The following MATR3 variants were observed in gnomAD, a reference collection of about 807,000 sequenced individuals.
MATR3 encodes the protein matrin-3.
MATR3 carries 4 observed loss-of-function variants against 85.5 expected under a neutral mutation model. The observed-to-expected ratio is 0.05, with a 90% CI of 0.02 to 0.11. The LOEUF is 0.11. Among genes scored for constraint, MATR3 ranks in the 10% least tolerant of loss-of-function variants. The probability of loss-of-function intolerance (pLI) is 1.00; values close to 1 mark genes in which losing one functional copy is unlikely to be tolerated. For synonymous variants in MATR3, 336 were observed against 343.1 expected, an observed-to-expected ratio of 0.98 and a Z score of 0.23; for missense variants, 685 against 1,016.1, an observed-to-expected ratio of 0.67 and a Z score of 4.43.
chr5:139,274,876 G>A (rs1482993026), intron 1 of MATR3, among the ~76,000 whole-genome samples: 1 of 151,888 alleles, frequency 6.6e-6, no homozygotes, highest in Non-Finnish European at 1.5e-5. Flanking sequence ...AGTGAGCCGA[G>A]ATAGCACCAC....
chr5:139,294,457 A>C, intron 1 of MATR3: 1 of 155,660 alleles, frequency 6.4e-6, no homozygotes, highest in African/African-American at 2.4e-5. Context: ...AGCGCCCCCT[A>C]AGACTCCCGG....
At chr5:139,325,033 T>A (rs1447955331) in intron 12 of MATR3, among the ~76,000 whole-genome samples, 1 of 151,570 alleles carries the variant, frequency 6.6e-6, no homozygotes, top group East Asian at 1.9e-4. Flanking sequence ...CTACTAAAAT[T>A]ACAAAAAAAA....
Position 139,329,766 on chromosome 5 carries a change from C to G in MATR3, c.*371C>G. On this transcript the variant is annotated 3_prime_UTR_variant, in exon 15 of 15. Coordinates refer to ENST00000394805, the MANE Select transcript of MATR3 (RefSeq NM_018834.6). ...ACATTTTATTCCATTCAATAAAGAA[C>G]AAAACCAATAGTGTTTTTATTACTT... 2.2e-6 allele frequency: 1 copy of G among 455,396 alleles called. No homozygotes were observed. Among genetic ancestry groups the G allele is most frequent in the South Asian group, 1.6e-5 (1 of 64,462 alleles). 28.2% of individuals were successfully genotyped at this position (455,396 alleles called of 1,614,324 possible).
intron 9 of MATR3, chr5:139,321,695 A>G (rs762340803): frequency 1.7e-6 from 1 of 579,134 alleles, no homozygotes; most frequent in Non-Finnish European, 3.0e-6. Flanking sequence ...AGGTGGGAGG[A>G]TCAGTTGGGC....
intron 2 of MATR3, chr5:139,310,734 G>C (rs1277533041): frequency 6.6e-6 from 1 of 151,834 alleles, no homozygotes; most frequent in Non-Finnish European, 1.5e-5. Context: ...TTAAAGTGAT[G>C]GTGGTGTTTT....
intron 2 of MATR3, chr5:139,310,928 A>C (rs1754937131): frequency 6.6e-6 from 1 of 152,240 alleles, no homozygotes; most frequent in African/African-American, 2.4e-5. Context: ...CAGCCTTCCG[A>C]GTAGCTGGGA....
At position 139,330,468 on chromosome 5, in the gene MATR3, C is replaced by T. The variant is rs1215233132; in HGVS notation, c.*1073C>T. ...GTATTTGTCAGTTGTGGTTTTTATT[C>T]GCTCTTAAACTTTGTGCATGCTTTA... On this transcript the variant is annotated 3_prime_UTR_variant, in exon 15 of 15. Transcript: ENST00000394805. 11 of 454,162 alleles carry T rather than the reference C, an allele frequency of 2.4e-5. No individual in the cohort carries two copies. Among genetic ancestry groups the T allele is most frequent in the Non-Finnish European group, 1.8e-5 (4 of 226,780 alleles). The allele number at this position is 454,162 out of a possible 1,614,324, so 28.1% of individuals were successfully genotyped here. A position where few individuals can be genotyped will look rare whatever the true frequency, so the allele number is the denominator to read the frequency against.
In MATR3 at chr5:139,325,676, C is replaced by G; in HGVS notation, c.2371+14C>G. On this transcript the variant is annotated intron_variant, in intron 13 of 14. Transcript: ENST00000394805. ...ATGTTCCTGTTGGTGAGATTTAAGT[C>G]TTTGTTCTTCACCTTCCTCACTCTC... 1 of 1,585,838 alleles carries G rather than the reference C, an allele frequency of 6.3e-7. No homozygotes were observed. Among genetic ancestry groups the G allele is most frequent in the Non-Finnish European group, 8.7e-7 (1 of 1,154,900 alleles).
chr5:139,321,158 G>GTTTT (rs1381554167), intron 9 of MATR3, among the ~76,000 whole-genome samples: 12 of 151,580 alleles, frequency 7.9e-5, no homozygotes, highest in Non-Finnish European at 1.2e-4. Flanking sequence ...TTTGGTTTTT[G>GTTTT]GTTTTTTCTG....
chr5:139,323,122 G>A (rs1337737643), intron 12 of MATR3, among the ~76,000 whole-genome samples, 155 bp downstream of exon 12: 1 of 152,068 alleles, frequency 6.6e-6, no homozygotes, highest in East Asian at 1.9e-4. Flanking sequence ...TCTAAACTCT[G>A]CAATAAATAA....
At chr5:139,290,080 T>C (rs1753822041), upstream of MATR3, among the ~76,000 whole-genome samples, 3 of 152,260 alleles carry the variant, frequency 2.0e-5, no homozygotes, top group South Asian at 6.2e-4. Context: ...TTTGCTTTTC[T>C]CCCCCTACCC....
At chr5:139,299,773 G>C (rs61659296) in intron 1 of MATR3, 1 of 152,230 alleles carries the variant, frequency 6.6e-6, no homozygotes, top group African/African-American at 2.4e-5. Flanking sequence ...GAAAGGTGAT[G>C]AGGTGTGAGC....
At chr5:139,316,403 G>A (rs867239378) in intron 5 of MATR3, among the ~76,000 whole-genome samples, 17 of 151,294 alleles carry the variant, frequency 1.1e-4, no homozygotes, top group Admixed American at 6.6e-4. Flanking sequence ...CCACCACCAC[G>A]CCCAGCTAAT....
intron 7 of MATR3, among the ~76,000 whole-genome samples, chr5:139,318,631 C>T (rs1009052347): frequency 9.9e-5 from 15 of 151,430 alleles, no homozygotes; most frequent in African/African-American, 3.2e-4. Context: ...TTAGTAGAGA[C>T]GGGGTTTCAC....
rs1424140098 is a variant in MATR3, at chr5:139,318,513, C to T, written c.1309-395C>T. ...ACCTGGGCTGGAGTGCAGTGAGGTT[C>T]ACTGCAGCCTCCACCTCCCAGGTTC... On this transcript the variant is annotated intron_variant, in intron 7 of 14. Coordinates refer to ENST00000394805, the MANE Select transcript of MATR3 (RefSeq NM_018834.6). 2.0e-5 allele frequency among the ~76,000 whole-genome samples: 3 copies of T among 152,162 alleles called. No homozygotes were observed. The East Asian group carries it at 5.8e-4, about 29-fold the overall frequency.
At chr5:139,318,819 ATTG>A (rs2151994922) in intron 7 of MATR3, 86 bp from the exon 8 acceptor site, 1 of 1,185,456 alleles carries the variant, frequency 8.4e-7, no homozygotes, top group African/African-American at 1.5e-5. Flanking sequence ...GATTTGGGGC[ATTG>A]TTATTTTTTA....
chr5:139,319,512 T>G lies in MATR3; in HGVS notation c.1602+11T>G. On this transcript the variant is annotated intron_variant, in intron 9 of 14. Coordinates refer to ENST00000394805, the MANE Select transcript of MATR3 (RefSeq NM_018834.6). The stretch of plus-strand genomic sequence containing the variant: ...AGGATGAAAAGTCAGGTAATATACA[T>G]AAGGAAGTTTTAGAGAAGATAATTT... 3.1e-6 allele frequency: 5 copies of G among 1,599,800 alleles called. No homozygotes were observed. The highest frequency in any genetic ancestry group is 4.3e-6 in the Non-Finnish European group (5 of 1,168,520).
At chr5:139,277,176 G>A (rs1383070670) in intron 2 of MATR3, among the ~76,000 whole-genome samples, 2 of 147,230 alleles carry the variant, frequency 1.4e-5, no homozygotes, top group Admixed American at 1.3e-4. Flanking sequence ...GTCTCATTAT[G>A]TTGCCCAGGC....
intron 5 of MATR3, 126 bp downstream of exon 5, chr5:139,316,314 C>T (rs1755240006): frequency 9.9e-6 from 7 of 705,312 alleles, no homozygotes; most frequent in Non-Finnish European, 1.5e-5. Flanking sequence ...GGCACGATCT[C>T]GACTCACTGC....
Sources: gnomAD v4.1 joint callset for allele counts (sites outside exome capture counted in the v4.1 genomes callset) on GRCh38, gnomAD v4.1.1 for gene constraint, MANE v1.5 for transcripts, NCBI Gene and HGNC (gene_info 2026-07-23, HGNC 2026-07-21) for gene names.